MAGI2: variants seen among roughly 807,000 people sequenced by gnomAD.
The protein encoded by MAGI2 is membrane-associated guanylate kinase, WW and PDZ domain-containing protein 2.
A neutral mutation model predicts 133.3 loss-of-function variants in MAGI2; 35 were observed. That is an observed-to-expected ratio of 0.26 (90% CI 0.20 to 0.35). The LOEUF is 0.35. MAGI2 is among the 10% of genes least tolerant of loss of function. MAGI2 has a pLI of 1.00. For synonymous variants in MAGI2, 729 were observed against 710.6 expected, an observed-to-expected ratio of 1.03 and a Z score of -0.41; for missense variants, 1,636 against 1,863.4, an observed-to-expected ratio of 0.88 and a Z score of 2.25.
chr7:79,287,702 C>T (rs1407062205), intron 1 of MAGI2, among the ~76,000 whole-genome samples: 2 of 152,016 alleles, frequency 1.3e-5, no homozygotes, highest in Non-Finnish European at 2.9e-5. Context: ...CACAAATAGG[C>T]AATCAGTAAG....
At chr7:78,726,868 G>A (rs1019299650) in intron 2 of MAGI2, among the ~76,000 whole-genome samples, 2 of 150,980 alleles carry the variant, frequency 1.3e-5, no homozygotes, top group Non-Finnish European at 2.9e-5. Flanking sequence ...TTTAAAATCT[G>A]GTTTTCATTT....
In MAGI2 at chr7:78,277,785, A is replaced by G. The variant is rs191400225; in HGVS notation, c.1409-21204T>C. Among the ~76,000 whole-genome samples the G allele has an allele frequency of 1.9e-3, 285 of 152,280 alleles. 1 individual carries two copies. The highest frequency in any genetic ancestry group is 2.8e-3 in the Non-Finnish European group (189 of 68,018). On this transcript the variant is annotated intron_variant, in intron 9 of 21. Coordinates refer to ENST00000354212, the MANE Select transcript of MAGI2 (RefSeq NM_012301.4). ...CAGTAGGCTACTGAGAGTAGAGACA[A>G]TAGTATAGGAAATTGGAGAGAGAAC...
chr7:78,986,854 C>T (rs1034558037), intron 2 of MAGI2, among the ~76,000 whole-genome samples: 1 of 151,916 alleles, frequency 6.6e-6, no homozygotes, highest in Admixed American at 6.6e-5. Flanking sequence ...TCTCTTGCTC[C>T]CCATCAGTTA....
intron 1 of MAGI2, among the ~76,000 whole-genome samples, chr7:79,330,908 A>T (rs1202618025): frequency 6.6e-6 from 1 of 152,182 alleles, no homozygotes; most frequent in African/African-American, 2.4e-5. Context: ...GCCTACTTCT[A>T]CCCTATTTTA....
At chr7:78,536,736 GTTTTTTTTTTGTTTTTGTTGTTGT>G (rs1797970825) in intron 3 of MAGI2, among the ~76,000 whole-genome samples, 1 of 138,326 alleles carries the variant, frequency 7.2e-6, no homozygotes, top group Non-Finnish European at 1.6e-5. Context: ...AATTTCAATA[GTTTTTTTTTTGTTTTTGTTGTTGT>G]TTTTTTTTTT....
chr7:78,891,618 T>G (rs1371130352), intron 2 of MAGI2, among the ~76,000 whole-genome samples: 1 of 152,072 alleles, frequency 6.6e-6, no homozygotes, highest in African/African-American at 2.4e-5. Flanking sequence ...ACAGAACCAA[T>G]GACAAAAACT....
intron 15 of MAGI2, among the ~76,000 whole-genome samples, chr7:78,162,297 G>A (rs1226467327): frequency 3.3e-5 from 5 of 151,404 alleles, no homozygotes; most frequent in Admixed American, 1.3e-4. Flanking sequence ...AGGCTGAGGC[G>A]GGCGGATCAC....
intron 6 of MAGI2, among the ~76,000 whole-genome samples, chr7:78,394,437 C>A (rs1163094529): frequency 6.6e-6 from 1 of 152,126 alleles, no homozygotes; most frequent in African/African-American, 2.4e-5. Flanking sequence ...CAGGGCATGT[C>A]CTCTGCCACA....
intron 2 of MAGI2, among the ~76,000 whole-genome samples, chr7:78,959,242 T>G (rs1802652965): frequency 6.6e-6 from 1 of 152,160 alleles, no homozygotes; most frequent in Admixed American, 6.6e-5. Flanking sequence ...GCAAAGTTAG[T>G]CAATTCCAGC....
chr7:78,318,653 C>T (rs149436828), intron 9 of MAGI2, among the ~76,000 whole-genome samples: 1 of 152,220 alleles, frequency 6.6e-6, no homozygotes, highest in African/African-American at 2.4e-5. Context: ...AGAGCAACCT[C>T]AGGACACATA....
chr7:78,756,889 T>C (rs1433349622), intron 2 of MAGI2, among the ~76,000 whole-genome samples: 1 of 152,170 alleles, frequency 6.6e-6, no homozygotes, highest in Non-Finnish European at 1.5e-5. Context: ...CTCTGTCGTC[T>C]TATCTTACCA....
chr7:78,829,845 G>A (rs473977), intron 2 of MAGI2, among the ~76,000 whole-genome samples: 1 of 151,754 alleles, frequency 6.6e-6, no homozygotes, highest in African/African-American at 2.4e-5. Context: ...TGAGAAGAAT[G>A]TATCCAAAGT....
At chr7:79,003,880 G>A (rs952290143) in intron 2 of MAGI2, among the ~76,000 whole-genome samples, 2 of 152,108 alleles carry the variant, frequency 1.3e-5, no homozygotes, top group African/African-American at 4.8e-5. Context: ...CCAAATAAGT[G>A]CAAATCAAAA....
chr7:78,095,599 G>A (rs10226768), intron 20 of MAGI2, among the ~76,000 whole-genome samples: 3,898 of 152,270 alleles, frequency 0.026, 107 homozygotes, highest in African/African-American at 0.076. Flanking sequence ...TGGAGTAGAG[G>A]GCAAGGATGG....
Position 79,377,134 on chromosome 7 carries a change from C to A in MAGI2, c.301+75886G>T, listed in dbSNP as rs848926. ...AAGTACACTTCTTCATAACTAACGA[C>A]TACAACTTTAAAAAGTCAGATATAT... On this transcript the variant is annotated intron_variant, in intron 1 of 21. Transcript: ENST00000354212. Among the ~76,000 whole-genome samples the A allele has an allele frequency of 2.0e-3, 309 of 151,896 alleles. 3 individuals are homozygous for A. The highest frequency in any genetic ancestry group is 7.2e-3 in the African/African-American group (300 of 41,462).
intron 21 of MAGI2, among the ~76,000 whole-genome samples, chr7:78,044,613 G>A (rs1811202133): frequency 6.6e-6 from 1 of 151,930 alleles, no homozygotes; most frequent in African/African-American, 2.4e-5. Context: ...TGGGGACTTG[G>A]TAGATGGTCA....
intron 3 of MAGI2, chr7:78,616,875 A>G (rs1009196341): frequency 2.0e-5 from 3 of 152,184 alleles, no homozygotes; most frequent in Admixed American, 2.0e-4. Flanking sequence ...TTTATTGAGC[A>G]CTGCTTAGGT....
intron 6 of MAGI2, among the ~76,000 whole-genome samples, chr7:78,378,326 G>C (rs923820319): frequency 6.6e-6 from 1 of 151,816 alleles, no homozygotes; most frequent in Admixed American, 6.6e-5. Context: ...AAATAGAATA[G>C]AACTAATACA....
intron 2 of MAGI2, among the ~76,000 whole-genome samples, chr7:78,665,601 G>A (rs1813471601): frequency 6.6e-6 from 1 of 152,118 alleles, no homozygotes. Flanking sequence ...AAACTATGCT[G>A]TTTGGCTTCT....
Sources: gnomAD v4.1 joint callset for allele counts (sites outside exome capture counted in the v4.1 genomes callset) on GRCh38, gnomAD v4.1.1 for gene constraint, MANE v1.5 for transcripts, NCBI Gene and HGNC (gene_info 2026-07-23, HGNC 2026-07-21) for gene names.